Variants in GNA14 observed in about 807,000 individuals in gnomAD.
The protein encoded by GNA14 is G protein subunit alpha 14.
In GNA14, 50 loss-of-function variants were observed where a neutral mutation model predicts 42.0. The ratio of observed to expected loss-of-function variants is 1.19; its 90% confidence interval spans 0.95 to 1.51. The LOEUF is 1.51. Among genes scored for constraint, GNA14 ranks in the 40% most tolerant of loss-of-function variants. The probability of loss-of-function intolerance (pLI) is 0.00; values close to 1 mark genes in which losing one functional copy is unlikely to be tolerated. For synonymous variants in GNA14, 173 were observed against 163.1 expected, an observed-to-expected ratio of 1.06 and a Z score of -0.46; for missense variants, 473 against 446.2, an observed-to-expected ratio of 1.06 and a Z score of -0.54.
At chr9:77,617,427 C>A (rs2117961243) in intron 1 of GNA14, among the ~76,000 whole-genome samples, 1 of 152,206 alleles carries the variant, frequency 6.6e-6, no homozygotes, top group South Asian at 2.1e-4. Flanking sequence ...TACATCCAAT[C>A]AACTCTACCT....
chr9:77,592,712 T>C (rs1302254172), intron 1 of GNA14, among the ~76,000 whole-genome samples: 1 of 152,218 alleles, frequency 6.6e-6, no homozygotes, highest in Admixed American at 6.5e-5. Context: ...TCTTTCTTGA[T>C]TTTTCTGTGT....
intron 2 of GNA14, among the ~76,000 whole-genome samples, chr9:77,473,167 A>G (rs1366309931): frequency 6.6e-6 from 1 of 152,228 alleles, no homozygotes; most frequent in African/African-American, 2.4e-5. Flanking sequence ...GAAATTAAAG[A>G]AGACTGTGCA....
At chr9:77,613,627 G>A (rs928414380) in intron 1 of GNA14, among the ~76,000 whole-genome samples, 1 of 152,162 alleles carries the variant, frequency 6.6e-6, no homozygotes, top group Non-Finnish European at 1.5e-5. Flanking sequence ...GGTTACACAG[G>A]TATCTACTTT....
At chr9:77,487,630 T>C (rs1836683319) in intron 2 of GNA14, among the ~76,000 whole-genome samples, 2 of 152,230 alleles carry the variant, frequency 1.3e-5, no homozygotes, top group African/African-American at 4.8e-5. Context: ...TAGGCACTAC[T>C]GAGTCCTAAC....
intron 1 of GNA14, among the ~76,000 whole-genome samples, chr9:77,598,046 A>G (rs959397103): frequency 3.9e-5 from 6 of 152,176 alleles, no homozygotes; most frequent in African/African-American, 1.2e-4. Context: ...CTCAAAAACA[A>G]CAACAGAAAA....
chr9:77,449,220 G>A (rs1408134401), intron 2 of GNA14, among the ~76,000 whole-genome samples: 2 of 152,246 alleles, frequency 1.3e-5, no homozygotes, highest in Non-Finnish European at 2.9e-5. Flanking sequence ...GCCCAGGTGT[G>A]TAGTAGGCTA....
chr9:77,426,745 CAG>C (rs1261212310), intron 5 of GNA14, among the ~76,000 whole-genome samples: 3 of 152,154 alleles, frequency 2.0e-5, no homozygotes, highest in African/African-American at 7.2e-5. Flanking sequence ...TGAGAACAGA[CAG>C]GGCACAAACA....
chr9:77,548,931 C>T (rs1007331091), intron 1 of GNA14, among the ~76,000 whole-genome samples: 3 of 151,760 alleles, frequency 2.0e-5, no homozygotes, highest in African/African-American at 7.3e-5. Flanking sequence ...ATGAGAAAGC[C>T]TTTCTTTTTT....
At chr9:77,602,596 C>T (rs1321116891) in intron 1 of GNA14, among the ~76,000 whole-genome samples, 3 of 152,150 alleles carry the variant, frequency 2.0e-5, no homozygotes, top group Non-Finnish European at 2.9e-5. Flanking sequence ...CTCTCTCCTC[C>T]TCTCCAGCAT....
intron 1 of GNA14, among the ~76,000 whole-genome samples, chr9:77,540,605 T>A (rs533571632): frequency 6.6e-6 from 1 of 152,266 alleles, no homozygotes; most frequent in South Asian, 2.1e-4. Context: ...CTGGAGTCTA[T>A]CTCTCTCTTT....
At chr9:77,547,738 T>A (rs1233440435) in intron 1 of GNA14, among the ~76,000 whole-genome samples, 1 of 152,192 alleles carries the variant, frequency 6.6e-6, no homozygotes, top group African/African-American at 2.4e-5. Context: ...CTTAAACCCT[T>A]TGACCCTCAG....
intron 1 of GNA14, among the ~76,000 whole-genome samples, chr9:77,617,289 A>G (rs550653221): frequency 6.6e-6 from 1 of 152,064 alleles, no homozygotes; most frequent in Admixed American, 6.6e-5. Context: ...CCCTCACTCC[A>G]CCAAATCCAT....
intron 1 of GNA14, among the ~76,000 whole-genome samples, chr9:77,551,785 A>T (rs1587827446): frequency 6.6e-6 from 1 of 152,052 alleles, no homozygotes; most frequent in Middle Eastern, 3.4e-3. Context: ...TTCATGGCTC[A>T]TTTGGTAGAA....
chr9:77,585,058 A>G (rs59154542), intron 1 of GNA14, among the ~76,000 whole-genome samples: 7,319 of 152,172 alleles, frequency 0.048, 584 homozygotes, highest in African/African-American at 0.17. Flanking sequence ...GTGACTTAGA[A>G]TGCCGAACCA....
chr9:77,505,196 AAAT>A (rs1837048893), intron 2 of GNA14, among the ~76,000 whole-genome samples: 1 of 152,244 alleles, frequency 6.6e-6, no homozygotes, highest in Non-Finnish European at 1.5e-5. Context: ...CCTGGTGAAT[AAAT>A]AATATATATT....
chr9:77,503,838 G>A (rs903569361), intron 2 of GNA14, among the ~76,000 whole-genome samples: 5 of 151,906 alleles, frequency 3.3e-5, no homozygotes, highest in South Asian at 2.1e-4. Context: ...CACTAGAAAC[G>A]GGGTTTCACC....
At position 77,501,987 on chromosome 9, in the gene GNA14, G is replaced by A. The variant is rs574057865; in HGVS notation, c.309+27082C>T. Among the ~76,000 whole-genome samples, 8 of 152,224 alleles carry A rather than the reference G, an allele frequency of 5.3e-5. No homozygotes were observed. In the East Asian group the frequency reaches 1.2e-3, roughly 22 times the overall value. On this transcript the variant is annotated intron_variant, in intron 2 of 6. Coordinates refer to ENST00000341700, the MANE Select transcript of GNA14 (RefSeq NM_004297.4). ...CTCCCAAAGTGCTGGGATTACAGGC[G>A]TGAGCCACCGTGCCCAGCCCAGATT... is the stretch of plus-strand genomic sequence containing the variant.
At chr9:77,572,706 C>A (rs1238690460) in intron 1 of GNA14, among the ~76,000 whole-genome samples, 1 of 152,112 alleles carries the variant, frequency 6.6e-6, no homozygotes, top group Non-Finnish European at 1.5e-5. Flanking sequence ...CAATAATGAG[C>A]CTAAACATCA....
chr9:77,472,034 T>TA (rs1390971581), intron 2 of GNA14, among the ~76,000 whole-genome samples: 8 of 152,196 alleles, frequency 5.3e-5, no homozygotes, highest in African/African-American at 1.9e-4. Context: ...CTCTTGGAGT[T>TA]ATATTTGTCT....
Sources: gnomAD v4.1 joint callset for allele counts (sites outside exome capture counted in the v4.1 genomes callset) on GRCh38, gnomAD v4.1.1 for gene constraint, MANE v1.5 for transcripts, NCBI Gene and HGNC (gene_info 2026-07-23, HGNC 2026-07-21) for gene names.